The following GREB1L variants were observed in gnomAD, a reference collection of about 807,000 sequenced individuals.
GREB1L encodes the protein GREB1 like retinoic acid receptor coactivator, also known as GREB1-like protein.
In GREB1L, 17 loss-of-function variants were observed where a neutral mutation model predicts 200.8. That is an observed-to-expected ratio of 0.08 (90% CI 0.06 to 0.13). The LOEUF (loss-of-function observed/expected upper bound fraction) is 0.13, where lower values mean the gene tolerates loss of function less well. Ranked by LOEUF, GREB1L falls within the 10% of genes least tolerant of loss-of-function variation. The pLI is 1.00. For missense variants in GREB1L, 1,657 were observed against 2,367.7 expected, an observed-to-expected ratio of 0.70 and a Z score of 6.23; for synonymous variants, 789 against 893.0, an observed-to-expected ratio of 0.88 and a Z score of 2.08.
chr18:21,517,951 G>A, intron 30 of GREB1L, 83 bp from the exon 31 acceptor site: 2 of 1,083,700 alleles, frequency 1.8e-6, no homozygotes, highest in South Asian at 1.5e-5. Flanking sequence ...TTTGGCGACT[G>A]TTAGGATACA....
intron 1 of GREB1L, among the ~76,000 whole-genome samples, chr18:21,254,610 G>T (rs1272777798): frequency 6.6e-6 from 1 of 152,096 alleles, no homozygotes; most frequent in Non-Finnish European, 1.5e-5. Context: ...AAACAGTAAT[G>T]AGTTGGTTAT....
intron 23 of GREB1L, among the ~76,000 whole-genome samples, chr18:21,502,230 G>A (rs375037151): frequency 6.7e-6 from 1 of 150,218 alleles, no homozygotes; most frequent in Non-Finnish European, 1.5e-5. Flanking sequence ...CAGCCTGGAC[G>A]ACAGAGCGAG....
At chr18:21,496,399 C>A (rs1194587509) in intron 20 of GREB1L, 55 bp from the exon 21 acceptor site, 2 of 1,534,282 alleles carry the variant, frequency 1.3e-6, no homozygotes, top group African/African-American at 1.4e-5. Context: ...GGCACACATA[C>A]ACACTGCGTG....
At chr18:21,344,403 A>AAACAACAACAACAACAACAACAACAAC (rs146104394) in intron 1 of GREB1L, among the ~76,000 whole-genome samples, 10 of 150,226 alleles carry the variant, frequency 6.7e-5, no homozygotes, top group African/African-American at 2.2e-4. Context: ...TCTGTCTCAA[A>AAACAACAACAACAACAACAACAACAAC]AACAACAACA....
chr18:21,496,527 G>T lies in GREB1L; in HGVS notation c.3220G>T (p.Gly1074Cys). ...TCGCACGGCCTTGGAGCAGGAGGTG[G>T]GTCTGGCATGCTGCTATGTCTCAAA... ...LTRTALEQEV[G>C]LACCYVSKEV... The change falls in exon 21 of 33, where the codon GGT becomes TGT. Residue 1074 changes from glycine to cysteine, a missense_variant. Physicochemically the swap from Gly to Cys is radical, Grantham distance 159. This residue lies in a region of GREB1L where 512 missense variants were observed against 668.3 expected (regional missense o/e 0.77). Transcript: ENST00000424526. 6.4e-7 allele frequency: 1 copy of T among 1,551,628 alleles called. No individual in the cohort carries two copies. The highest frequency in any genetic ancestry group is 8.7e-7 in the Non-Finnish European group (1 of 1,146,972).
intron 1 of GREB1L, among the ~76,000 whole-genome samples, chr18:21,292,750 C>G (rs1356416419): frequency 1.3e-5 from 2 of 152,174 alleles, no homozygotes; most frequent in Admixed American, 1.3e-4. Context: ...GAGCAAAAGA[C>G]ATTTTGTTAC....
At chr18:21,422,131 A>G (rs1201653095) in intron 7 of GREB1L, among the ~76,000 whole-genome samples, 2 of 152,180 alleles carry the variant, frequency 1.3e-5, no homozygotes, top group African/African-American at 4.8e-5. Context: ...AATCATTAGT[A>G]GAGAGAATGA....
chr18:21,512,241 A>T (rs1284425505), intron 27 of GREB1L, among the ~76,000 whole-genome samples: 4 of 152,182 alleles, frequency 2.6e-5, no homozygotes, highest in East Asian at 3.8e-4. Context: ...TGGGATTTTG[A>T]TAGGGACTGC....
intron 1 of GREB1L, among the ~76,000 whole-genome samples, chr18:21,363,264 T>C (rs1279196414): frequency 2.2e-4 from 12 of 55,018 alleles, no homozygotes; most frequent in African/African-American, 4.3e-4. Context: ...AGGCTCCCCC[T>C]GCCCCCACTC....
At chr18:21,436,671 T>G (rs867842845) in intron 7 of GREB1L, among the ~76,000 whole-genome samples, 748 of 50,998 alleles carry the variant, frequency 0.015, 9 homozygotes, top group African/African-American at 0.036. Flanking sequence ...AGTTCAGTGG[T>G]GTGTGTGTGT....
Position 21,441,490 on chromosome 18 carries a change from C to T in GREB1L, c.1160C>T (p.Pro387Leu). The T allele has an allele frequency of 6.4e-6, 10 of 1,551,560 alleles. No homozygotes were observed. Among genetic ancestry groups the T allele is most frequent in the Non-Finnish European group, 8.7e-6 (10 of 1,146,856 alleles). ...CCTGCAGGGGAAACTGTAATTGTTC[C>T]TGAAAACCTGCTGAGTAACTCAGGA... is the stretch of plus-strand genomic sequence containing the variant. ...PIPAGETVIVPENLLSNSGVR... is the reference protein window; with the variant it reads ...PIPAGETVIVLENLLSNSGVR... Residue 387 changes from proline (P) to leucine (L), a missense_variant, in exon 10 of 33, where the codon CCT becomes CTT. By Grantham distance (98) the Pro-to-Leu change is moderately conservative. Transcript: ENST00000424526.
At chr18:21,497,076 G>A (rs919263985) in intron 21 of GREB1L, among the ~76,000 whole-genome samples, 1 of 152,092 alleles carries the variant, frequency 6.6e-6, no homozygotes, top group Non-Finnish European at 1.5e-5. Context: ...GTGCTAAATG[G>A]CTTAGTACCT....
chr18:21,509,872 AATT>A (rs1407993029), intron 27 of GREB1L, among the ~76,000 whole-genome samples: 2 of 152,178 alleles, frequency 1.3e-5, no homozygotes, highest in Admixed American at 6.6e-5. Flanking sequence ...GAAATATACA[AATT>A]ATTATTTTTA....
chr18:21,252,738 G>A (rs1356212516), intron 1 of GREB1L, among the ~76,000 whole-genome samples: 1 of 145,352 alleles, frequency 6.9e-6, no homozygotes, highest in African/African-American at 2.6e-5. Flanking sequence ...CGTCATGGCG[G>A]GTGCCTGTAA....
At chr18:21,503,511 TA>T (rs2036885930) in intron 23 of GREB1L, among the ~76,000 whole-genome samples, 1 of 151,588 alleles carries the variant, frequency 6.6e-6, no homozygotes, top group African/African-American at 2.4e-5. Context: ...TGGCCACTAA[TA>T]AAAAATATAA....
chr18:21,372,851 G>A (rs969560934), intron 2 of GREB1L, among the ~76,000 whole-genome samples: 1 of 152,204 alleles, frequency 6.6e-6, no homozygotes, highest in African/African-American at 2.4e-5. Context: ...AACCTGGGAG[G>A]TGGAGGTGGC....
chr18:21,326,960 G>T (rs2039032507), intron 1 of GREB1L, among the ~76,000 whole-genome samples: 1 of 151,916 alleles, frequency 6.6e-6, no homozygotes. Context: ...GCTGTATCAG[G>T]CTTAAAGATT....
At chr18:21,281,918 A>G (rs1457752189) in intron 1 of GREB1L, among the ~76,000 whole-genome samples, 1 of 152,166 alleles carries the variant, frequency 6.6e-6, no homozygotes. Flanking sequence ...TTTCCCACTA[A>G]CCAGCCAAAG....
intron 1 of GREB1L, among the ~76,000 whole-genome samples, chr18:21,245,110 T>C (rs2037574469): frequency 6.6e-6 from 1 of 151,732 alleles, no homozygotes; most frequent in South Asian, 2.1e-4. Context: ...AGTTAAGGAG[T>C]GATTGTAAGG....
Sources: gnomAD v4.1 joint callset for allele counts (sites outside exome capture counted in the v4.1 genomes callset) on GRCh38, gnomAD v4.1.1 for gene constraint, gnomAD v4.1.1 regional missense constraint, MANE v1.5 for transcripts, NCBI Gene and HGNC (gene_info 2026-07-23, HGNC 2026-07-21) for gene names.